The following UCHL3 variants were observed in gnomAD, a reference collection of about 807,000 sequenced individuals.
UCHL3 encodes ubiquitin carboxyl-terminal hydrolase isozyme L3.
A neutral mutation model predicts 35.8 loss-of-function variants in UCHL3; 22 were observed. The ratio of observed to expected loss-of-function variants is 0.61; its 90% CI spans 0.44 to 0.88. The LOEUF is 0.88. UCHL3 is among the 40% of genes least tolerant of loss of function. UCHL3 has a pLI of 0.00. For missense variants in UCHL3, 229 were observed against 276.9 expected (o/e 0.83, Z 1.23); for synonymous variants, 90 against 92.8 (o/e 0.97, Z 0.17).
chr13:75,604,283 C>A (rs1566233766), intron 7 of UCHL3, among the ~76,000 whole-genome samples: 1 of 152,120 alleles, frequency 6.6e-6, no homozygotes, highest in African/African-American at 2.4e-5. Flanking sequence ...AGTAAAATAA[C>A]CCTGGGTTAT....
intron 6 of UCHL3, chr13:75,590,271 C>T (rs1219013814): frequency 7.6e-6 from 9 of 1,182,192 alleles, no homozygotes; most frequent in African/African-American, 1.6e-5. Context: ...AGATTGCAAG[C>T]ATATCTCTAT....
intron 6 of UCHL3, among the ~76,000 whole-genome samples, chr13:75,585,432 AAT>A (rs1233119978): frequency 2.6e-5 from 4 of 152,154 alleles, no homozygotes; most frequent in Non-Finnish European, 5.9e-5. Flanking sequence ...AGTGGAACAA[AAT>A]ATCTTTTAAA....
chr13:75,570,491 CT>C, intron 6 of UCHL3, among the ~76,000 whole-genome samples: 1 of 152,176 alleles, frequency 6.6e-6, no homozygotes, highest in East Asian at 1.9e-4. Context: ...CTGTCTCAGC[CT>C]CCCATAGTGC....
chr13:75,576,576 G>A (rs1330384978), intron 6 of UCHL3, among the ~76,000 whole-genome samples: 1 of 151,608 alleles, frequency 6.6e-6, no homozygotes, highest in Non-Finnish European at 1.5e-5. Context: ...GGATGGTCTC[G>A]ATCTCCTGAC....
chr13:75,579,318 A>C (rs1396267924), intron 6 of UCHL3, among the ~76,000 whole-genome samples: 3 of 152,072 alleles, frequency 2.0e-5, no homozygotes, highest in Non-Finnish European at 2.9e-5. Context: ...AAAAGTCTGA[A>C]ACTGCAACTT....
At chr13:75,586,882 A>G (rs1308848527) in intron 6 of UCHL3, among the ~76,000 whole-genome samples, 1 of 151,882 alleles carries the variant, frequency 6.6e-6, no homozygotes, top group Non-Finnish European at 1.5e-5. Context: ...GTTGGAGAGA[A>G]ATCTATAGCA....
chr13:75,559,129 TC>T (rs1282319566), intron 2 of UCHL3, among the ~76,000 whole-genome samples: 1 of 132,578 alleles, frequency 7.5e-6, no homozygotes, highest in Non-Finnish European at 1.5e-5. Flanking sequence ...AAGCTCCGCC[TC>T]CCGGGTTCAT....
At position 75,569,467 on chromosome 13, in the gene UCHL3, G is replaced by A. The variant is rs750068505; in HGVS notation, c.434G>A (p.Arg145Gln). ...CCTTTATTCTTATTACAGGCCATCC[G>A]AGTTACTCATGAGACCAGTGCCCAT... ...ARYLENYDAI[R>Q]VTHETSAHEG... The change falls in exon 6 of 9, where the codon CGA becomes CAA. Residue 145 changes from arginine (R) to glutamine (Q), a missense_variant. Physicochemically the swap from Arg to Gln is conservative, Grantham distance 43. Transcript: ENST00000377595. 1.2e-6 allele frequency: 2 copies of A among 1,608,122 alleles called. No individual in the cohort carries two copies. Among genetic ancestry groups the A allele is most frequent in the Non-Finnish European group, 1.7e-6 (2 of 1,178,032 alleles).
intron 3 of UCHL3, among the ~76,000 whole-genome samples, chr13:75,565,958 C>A (rs1175691914): frequency 6.6e-6 from 1 of 152,130 alleles, no homozygotes; most frequent in Non-Finnish European, 1.5e-5. Flanking sequence ...TATTATTATA[C>A]CCTATTGCTT....
intron 6 of UCHL3, among the ~76,000 whole-genome samples, chr13:75,588,877 A>T (rs181640753): frequency 4.5e-4 from 69 of 152,242 alleles, no homozygotes; most frequent in African/African-American, 1.5e-3. Flanking sequence ...TATTTTATAT[A>T]CTGGTGTTAT....
At chr13:75,563,004 T>C (rs188982613) in intron 3 of UCHL3, among the ~76,000 whole-genome samples, 1 of 152,290 alleles carries the variant, frequency 6.6e-6, no homozygotes, top group African/African-American at 2.4e-5. Context: ...GGATATCTAG[T>C]GCATTCTTTA....
intron 2 of UCHL3, among the ~76,000 whole-genome samples, chr13:75,558,510 G>T (rs1276690409): frequency 3.4e-4 from 52 of 152,112 alleles, no homozygotes; most frequent in South Asian, 2.1e-4. Context: ...GACTTTGTGG[G>T]TACATAAAAT....
intron 7 of UCHL3, among the ~76,000 whole-genome samples, chr13:75,597,581 T>C (rs759697887): frequency 1.3e-5 from 2 of 152,324 alleles, no homozygotes; most frequent in East Asian, 3.9e-4. Flanking sequence ...TTATGTATGA[T>C]AAGTAATCTA....
intron 8 of UCHL3, 142 bp downstream of exon 8, chr13:75,604,969 T>C (rs2032892513): frequency 1.2e-5 from 7 of 574,862 alleles, no homozygotes; most frequent in Non-Finnish European, 1.9e-5. Context: ...AAAGAAAATT[T>C]ATATTAGTGT....
chr13:75,596,843 A>C (rs2032658232), intron 7 of UCHL3, among the ~76,000 whole-genome samples: 1 of 151,674 alleles, frequency 6.6e-6, no homozygotes, highest in Admixed American at 6.6e-5. Context: ...CTTTTGGAGC[A>C]TGCCAAGATC....
At chr13:75,587,454 AG>A (rs2032357621) in intron 6 of UCHL3, among the ~76,000 whole-genome samples, 1 of 152,080 alleles carries the variant, frequency 6.6e-6, no homozygotes, top group African/African-American at 2.4e-5. Flanking sequence ...TAAAATTTTG[AG>A]GGTGATAACT....
At chr13:75,554,687 T>G (rs1426274941) in intron 2 of UCHL3, among the ~76,000 whole-genome samples, 2 of 152,248 alleles carry the variant, frequency 1.3e-5, no homozygotes, top group Non-Finnish European at 2.9e-5. Context: ...TCACATCTTA[T>G]GACTTCCTGC....
At chr13:75,592,943 C>G (rs547801484) in intron 6 of UCHL3, among the ~76,000 whole-genome samples, 1 of 152,008 alleles carries the variant, frequency 6.6e-6, no homozygotes, top group Non-Finnish European at 1.5e-5. Context: ...ATTTAAACCT[C>G]GAGGTGGATA....
intron 2 of UCHL3, among the ~76,000 whole-genome samples, chr13:75,552,830 A>G (rs1193367054): frequency 6.6e-6 from 1 of 152,212 alleles, no homozygotes; most frequent in Non-Finnish European, 1.5e-5. Flanking sequence ...ACCGTACTAA[A>G]TCTTCATTGT....
Sources: allele counts gnomAD v4.1 joint callset (sites outside exome capture counted in the v4.1 genomes callset), GRCh38; gene constraint gnomAD v4.1.1; transcripts MANE v1.5; gene names NCBI Gene and HGNC (gene_info 2026-07-23, HGNC 2026-07-21).